Variants in FARP1 observed in about 807,000 individuals in gnomAD.
The protein encoded by FARP1 is FERM, ARH/RhoGEF and pleckstrin domain protein 1, also known as FERM, ARHGEF and pleckstrin domain-containing protein 1.
In FARP1, 52 loss-of-function variants were observed where a neutral mutation model predicts 128.8. The observed-to-expected ratio is 0.40, with a 90% CI of 0.32 to 0.51. The LOEUF is 0.51. FARP1 is among the 20% of genes least tolerant of loss of function. The pLI, the probability that FARP1 is intolerant of heterozygous loss-of-function variation, is 0.45. For synonymous variants in FARP1, 580 were observed against 551.8 expected (o/e 1.05, Z -0.72); for missense variants, 1,333 against 1,367.9 (o/e 0.97, Z 0.40).
At chr13:98,282,646 T>C (rs1193359272) in intron 2 of FARP1, among the ~76,000 whole-genome samples, 1 of 152,210 alleles carries the variant, frequency 6.6e-6, no homozygotes, top group Non-Finnish European at 1.5e-5. Context: ...GGCTCACACC[T>C]GTAATCCCAG....
At chr13:98,283,613 T>G (rs1429585108) in intron 2 of FARP1, among the ~76,000 whole-genome samples, 1 of 152,220 alleles carries the variant, frequency 6.6e-6, no homozygotes, top group African/African-American at 2.4e-5. Context: ...ATCAGCCTAT[T>G]CACTAATATT....
At chr13:98,211,053 A>G (rs1880675532) in intron 1 of FARP1, among the ~76,000 whole-genome samples, 1 of 152,118 alleles carries the variant, frequency 6.6e-6, no homozygotes, top group Non-Finnish European at 1.5e-5. Context: ...AGTTATATAT[A>G]GTACCATCCT....
intron 2 of FARP1, among the ~76,000 whole-genome samples, chr13:98,301,307 C>T (rs1286236244): frequency 1.3e-5 from 2 of 152,100 alleles, no homozygotes; most frequent in East Asian, 3.8e-4. Context: ...GTGTCACTTT[C>T]CACGTCTGTT....
Position 98,284,319 on chromosome 13 carries a change from C to CA in FARP1, c.172-59442dup, listed in dbSNP as rs201245539. Reference sequence around the variant, plus strand: ...TCAACACTTGGATAACCAATGCCACCACCTTCCTTCTATGTATAAATGTCT... The same window carrying CA: ...TCAACACTTGGATAACCAATGCCACCAACCTTCCTTCTATGTATAAATGTCT... On this transcript the variant is annotated intron_variant, in intron 2 of 26. Transcript: ENST00000319562. Among the ~76,000 whole-genome samples the CA allele has an allele frequency of 8.3e-3, 1,269 of 152,226 alleles. 19 individuals carry two copies. Among genetic ancestry groups the CA allele is most frequent in the African/African-American group, 0.029 (1,209 of 41,522 alleles).
intron 1 of FARP1, among the ~76,000 whole-genome samples, chr13:98,180,450 A>G (rs1333261374): frequency 6.6e-6 from 1 of 152,204 alleles, no homozygotes; most frequent in African/African-American, 2.4e-5. Context: ...TGGAGGGGAC[A>G]GACATCCAAA....
chr13:98,377,545 A>G lies in FARP1; in HGVS notation c.399-276A>G, dbSNP rs534138622. ...TTTCCTGTACGCTACAAAAATATAT[A>G]GCATGCTAGGTTATGGTCTCACATT... On this transcript the variant is annotated intron_variant, in intron 5 of 26. Coordinates refer to ENST00000319562, the MANE Select transcript of FARP1 (RefSeq NM_005766.4). 3.9e-5 allele frequency among the ~76,000 whole-genome samples: 6 copies of G among 152,328 alleles called. No homozygotes were observed. The South Asian group carries it at 1.0e-3, about 26-fold the overall frequency.
At chr13:98,185,184 TAATA>T (rs762010180) in intron 1 of FARP1, among the ~76,000 whole-genome samples, 21 of 152,180 alleles carry the variant, frequency 1.4e-4, no homozygotes, top group Non-Finnish European at 2.9e-4. Context: ...AATTTATGCT[TAATA>T]AATATTGATA....
rs1264164258 is a variant in FARP1 at position 98,437,983 on chromosome 13, T to C, written c.2275-821T>C. On this transcript the variant is annotated intron_variant, in intron 19 of 26. Coordinates refer to ENST00000319562, the MANE Select transcript of FARP1 (RefSeq NM_005766.4). Reference sequence around the variant, plus strand: ...CCCTGAGCAGAATGGGAAGGTGGGATCGGAGGCGCCTGAGGGAGCACGTTC... The same window carrying C: ...CCCTGAGCAGAATGGGAAGGTGGGACCGGAGGCGCCTGAGGGAGCACGTTC... The C allele has an allele frequency of 1.7e-5, 14 of 802,724 alleles. No individual in the cohort carries two copies. In the East Asian group the frequency reaches 3.4e-4, roughly 19 times the overall value. The allele number at this position is 802,724 out of a possible 1,614,324, so 49.7% of individuals were successfully genotyped here. A position where few individuals can be genotyped will look rare whatever the true frequency, so the allele number is the denominator to read the frequency against.
intron 2 of FARP1, among the ~76,000 whole-genome samples, chr13:98,282,146 A>T (rs182871275): frequency 3.2e-4 from 48 of 152,260 alleles, no homozygotes; most frequent in Admixed American, 5.9e-4. Context: ...CTCTAAAAAA[A>T]TGGAAAAATT....
chr13:98,211,628 C>T (rs994038039), intron 1 of FARP1, among the ~76,000 whole-genome samples: 1 of 152,190 alleles, frequency 6.6e-6, no homozygotes, highest in East Asian at 1.9e-4. Context: ...GATGCCATTC[C>T]ACTTCCCAGG....
chr13:98,283,294 T>A (rs990786100), intron 2 of FARP1, among the ~76,000 whole-genome samples: 1 of 152,192 alleles, frequency 6.6e-6, no homozygotes, highest in Non-Finnish European at 1.5e-5. Flanking sequence ...AGGAAGCCGT[T>A]CATGCAAATT....
At chr13:98,274,282 G>A (rs1729724336) in intron 2 of FARP1, among the ~76,000 whole-genome samples, 1 of 152,120 alleles carries the variant, frequency 6.6e-6, no homozygotes, top group Non-Finnish European at 1.5e-5. Flanking sequence ...GGCTTTGTTG[G>A]CGCACAGGGC....
intron 2 of FARP1, among the ~76,000 whole-genome samples, chr13:98,239,109 G>C (rs531586976): frequency 2.0e-5 from 3 of 152,304 alleles, no homozygotes; most frequent in Admixed American, 2.0e-4. Flanking sequence ...ACTACTTTCA[G>C]CATATTTTTG....
intron 5 of FARP1, among the ~76,000 whole-genome samples, chr13:98,369,611 T>C (rs1288272880): frequency 6.6e-6 from 1 of 151,662 alleles, no homozygotes; most frequent in African/African-American, 2.4e-5. Context: ...TGAGAACATG[T>C]GGTGTTTGGT....
chr13:98,179,848 C>A (rs1878380360), intron 1 of FARP1, among the ~76,000 whole-genome samples: 3 of 151,146 alleles, frequency 2.0e-5, no homozygotes, highest in Admixed American at 1.3e-4. Flanking sequence ...CTGAGCAAGA[C>A]TCCATCTCAA....
At chr13:98,440,890 C>A in intron 24 of FARP1, 54 bp downstream of exon 24, 5 of 1,517,110 alleles carry the variant, frequency 3.3e-6, no homozygotes, top group Non-Finnish European at 4.4e-6. Context: ...CCAGGCAGAA[C>A]CCAGGCAAAC....
At chr13:98,351,925 A>C (rs151163171) in intron 3 of FARP1, among the ~76,000 whole-genome samples, 2 of 152,300 alleles carry the variant, frequency 1.3e-5, no homozygotes, top group African/African-American at 4.8e-5. Context: ...ACTGGGAATC[A>C]CATTTCAACA....
intron 2 of FARP1, among the ~76,000 whole-genome samples, chr13:98,218,142 G>C (rs11618979): frequency 5.5e-5 from 7 of 128,132 alleles, no homozygotes; most frequent in African/African-American, 1.2e-4. Context: ...CCACATCCTC[G>C]CCCCACATCC....
At chr13:98,405,752 A>G (rs1260006259) in intron 13 of FARP1, 2 of 152,170 alleles carry the variant, frequency 1.3e-5, no homozygotes, top group African/African-American at 2.4e-5. Flanking sequence ...GGTCCCCCCA[A>G]ATTATTTACC....
Sources: allele counts gnomAD v4.1 joint callset (sites outside exome capture counted in the v4.1 genomes callset), GRCh38; gene constraint gnomAD v4.1.1; transcripts MANE v1.5; gene names NCBI Gene and HGNC (gene_info 2026-07-23, HGNC 2026-07-21).